The following DLG2 variants were observed in gnomAD, a reference collection of about 807,000 sequenced individuals.
DLG2 encodes disks large homolog 2.
DLG2 carries 45 observed loss-of-function variants against 132.5 expected under a neutral mutation model. That is an observed-to-expected ratio of 0.34 (90% CI 0.27 to 0.44). The LOEUF (loss-of-function observed/expected upper bound fraction) is 0.44, where lower values mean the gene tolerates loss of function less well. Ranked by LOEUF, DLG2 falls within the 20% of genes least tolerant of loss-of-function variation. The pLI, the probability that DLG2 is intolerant of heterozygous loss-of-function variation, is 1.00. For synonymous variants in DLG2, 424 were observed against 419.6 expected, an observed-to-expected ratio of 1.01 and a Z score of -0.13; for missense variants, 1,045 against 1,196.9, an observed-to-expected ratio of 0.87 and a Z score of 1.87.
chr11:85,182,618 G>C (rs2079795103), intron 4 of DLG2, among the ~76,000 whole-genome samples: 1 of 151,392 alleles, frequency 6.6e-6, no homozygotes, highest in African/African-American at 2.4e-5. Flanking sequence ...AAATGGGGTG[G>C]GGTAGACTTA....
chr11:83,590,028 A>G (rs1323072520), intron 19 of DLG2, among the ~76,000 whole-genome samples: 1 of 134,646 alleles, frequency 7.4e-6, no homozygotes, highest in Admixed American at 8.0e-5. Context: ...TTAGACTCCC[A>G]CACATTAATA....
chr11:83,628,809 C>G (rs2153451414), intron 19 of DLG2, among the ~76,000 whole-genome samples: 1 of 152,210 alleles, frequency 6.6e-6, no homozygotes, highest in East Asian at 1.9e-4. Context: ...TCCCTCTTGT[C>G]TATTCCATCT....
chr11:84,800,899 G>T lies in DLG2; in HGVS notation c.358-266168C>A, dbSNP rs1036986615. Among the ~76,000 whole-genome samples, 8 of 152,114 alleles carry T rather than the reference G, an allele frequency of 5.3e-5. No homozygotes were observed. In the East Asian group the frequency reaches 1.3e-3, roughly 26 times the overall value. ...GGACTAGAAAATTTACAAATAACAT[G>T]ATTTATAAAATCCATGATTTCCCAG... On this transcript the variant is annotated intron_variant, in intron 6 of 27. Transcript: ENST00000376104.
chr11:83,732,799 T>C (rs576138439), intron 18 of DLG2, among the ~76,000 whole-genome samples: 32 of 152,288 alleles, frequency 2.1e-4, no homozygotes, highest in Middle Eastern at 3.4e-3. Flanking sequence ...CATAGTTTCA[T>C]GCTCCAACTG....
At chr11:84,294,253 C>G (rs1318824834) in intron 7 of DLG2, among the ~76,000 whole-genome samples, 1 of 152,120 alleles carries the variant, frequency 6.6e-6, no homozygotes, top group Non-Finnish European at 1.5e-5. Context: ...TAAGTAATAT[C>G]TTAAAGTTAT....
At chr11:85,498,619 GA>G in intron 3 of DLG2, among the ~76,000 whole-genome samples, 1 of 152,070 alleles carries the variant, frequency 6.6e-6, no homozygotes, top group Non-Finnish European at 1.5e-5. Context: ...CAAATCAACA[GA>G]ATATACATTC....
intron 4 of DLG2, among the ~76,000 whole-genome samples, chr11:85,276,735 C>A (rs1457838409): frequency 6.6e-6 from 1 of 152,114 alleles, no homozygotes; most frequent in Non-Finnish European, 1.5e-5. Context: ...AACAAAACAA[C>A]ATATCATTCT....
At chr11:84,650,865 G>GTATATATATATATATATA (rs1416161421) in intron 6 of DLG2, among the ~76,000 whole-genome samples, 3 of 87,830 alleles carry the variant, frequency 3.4e-5, no homozygotes, top group African/African-American at 1.1e-4. Flanking sequence ...GTGTGTGTGT[G>GTATATATATATATATATA]TGTGTGTGTA....
chr11:84,337,257 GA>G, intron 7 of DLG2, among the ~76,000 whole-genome samples: 1 of 152,138 alleles, frequency 6.6e-6, no homozygotes, highest in Non-Finnish European at 1.5e-5. Flanking sequence ...GCTAATAAAA[GA>G]GAACCCAGGA....
intron 11 of DLG2, among the ~76,000 whole-genome samples, chr11:84,048,948 T>G (rs1271867812): frequency 6.6e-6 from 1 of 151,762 alleles, no homozygotes; most frequent in Non-Finnish European, 1.5e-5. Context: ...GAACAGTGCA[T>G]TTAATTTTCA....
chr11:84,619,000 G>T, intron 6 of DLG2, among the ~76,000 whole-genome samples: 1 of 151,898 alleles, frequency 6.6e-6, no homozygotes, highest in East Asian at 1.9e-4. Context: ...ATTTAGTAAA[G>T]GTATAGAAAA....
chr11:84,613,090 G>A (rs1048479571), intron 6 of DLG2, among the ~76,000 whole-genome samples: 15 of 152,200 alleles, frequency 9.9e-5, no homozygotes, highest in Admixed American at 5.9e-4. Flanking sequence ...TGGGCTGATC[G>A]AGAACACTGC....
chr11:85,007,117 AAT>A lies in DLG2; in HGVS notation c.357+104542_357+104543del, dbSNP rs2058726493. 7.2e-5 allele frequency among the ~76,000 whole-genome samples: 11 copies of A among 152,086 alleles called. No homozygotes were observed. The South Asian group carries it at 2.3e-3, about 32-fold the overall frequency. ...CCGTGAATTAGAAGTCATGGTTGCAAATATAGTTTTTAGGGCCAGATTTTCCT... is the reference window on the plus strand; with the variant it reads ...CCGTGAATTAGAAGTCATGGTTGCAAATAGTTTTTAGGGCCAGATTTTCCT... On this transcript the variant is annotated intron_variant, in intron 6 of 27. Coordinates refer to ENST00000376104, the MANE Select transcript of DLG2 (RefSeq NM_001142699.3).
intron 8 of DLG2, among the ~76,000 whole-genome samples, chr11:84,247,447 AG>A (rs1358808899): frequency 6.6e-6 from 1 of 152,224 alleles, no homozygotes; most frequent in African/African-American, 2.4e-5. Context: ...AGCAAAAAAT[AG>A]AAACTAGAGA....
intron 6 of DLG2, among the ~76,000 whole-genome samples, chr11:84,927,303 T>C (rs905389926): frequency 6.6e-6 from 1 of 151,840 alleles, no homozygotes; most frequent in Non-Finnish European, 1.5e-5. Flanking sequence ...GTAGATAGAG[T>C]AGTTTTGTTA....
At chr11:84,942,377 C>T (rs1253179504) in intron 6 of DLG2, among the ~76,000 whole-genome samples, 1 of 151,890 alleles carries the variant, frequency 6.6e-6, no homozygotes, top group Non-Finnish European at 1.5e-5. Context: ...ATAAACATTC[C>T]TTTTAGTATT....
intron 7 of DLG2, among the ~76,000 whole-genome samples, chr11:84,339,199 C>T (rs763825650): frequency 2.6e-5 from 4 of 152,222 alleles, no homozygotes; most frequent in African/African-American, 9.6e-5. Flanking sequence ...TGGAGGGTTA[C>T]GGGCTGATCA....
intron 6 of DLG2, among the ~76,000 whole-genome samples, chr11:84,904,260 T>G (rs888358729): frequency 6.6e-6 from 1 of 152,206 alleles, no homozygotes; most frequent in African/African-American, 2.4e-5. Context: ...CTACCTACTG[T>G]GTAATGATAC....
At chr11:85,461,119 C>T (rs535905610) in intron 3 of DLG2, among the ~76,000 whole-genome samples, 26 of 152,298 alleles carry the variant, frequency 1.7e-4, no homozygotes, top group Non-Finnish European at 7.4e-5. Context: ...TGGATTCCTA[C>T]GGAAGTTATA....
Sources: allele counts gnomAD v4.1 joint callset (sites outside exome capture counted in the v4.1 genomes callset), GRCh38; gene constraint gnomAD v4.1.1; transcripts MANE v1.5; gene names NCBI Gene and HGNC (gene_info 2026-07-23, HGNC 2026-07-21).